C8orf34: variants seen among roughly 807,000 people sequenced by gnomAD.
C8orf34 encodes chromosome 8 open reading frame 34, also known as uncharacterized protein C8orf34.
C8orf34 carries 65 observed loss-of-function variants against 68.3 expected under a neutral mutation model. That is an observed-to-expected ratio of 0.95 (90% CI 0.78 to 1.17). C8orf34 has a LOEUF of 1.17. C8orf34 is among the 50% of genes most tolerant of loss of function. The pLI, the probability that C8orf34 is intolerant of heterozygous loss-of-function variation, is 0.00. For synonymous variants in C8orf34, 244 were observed against 241.2 expected, an observed-to-expected ratio of 1.01 and a Z score of -0.11; for missense variants, 664 against 655.4, an observed-to-expected ratio of 1.01 and a Z score of -0.14.
chr8:68,811,467 G>A (rs1008269313), intron 12 of C8orf34, among the ~76,000 whole-genome samples: 1 of 152,172 alleles, frequency 6.6e-6, no homozygotes, highest in Non-Finnish European at 1.5e-5. Context: ...GACGCAGGCA[G>A]CTTCCACCTT....
chr8:68,771,237 A>G (rs186696561), intron 10 of C8orf34, among the ~76,000 whole-genome samples: 1 of 152,266 alleles, frequency 6.6e-6, no homozygotes, highest in Non-Finnish European at 1.5e-5. Context: ...TTTTTCATTA[A>G]TTGGGGATAA....
chr8:68,348,917 C>T (rs948430185), intron 1 of C8orf34, among the ~76,000 whole-genome samples: 1 of 151,780 alleles, frequency 6.6e-6, no homozygotes, highest in African/African-American at 2.4e-5. Context: ...TGCAAAGAGA[C>T]AGAGTGTGAC....
chr8:68,545,834 A>G (rs925007739), intron 7 of C8orf34, among the ~76,000 whole-genome samples: 1 of 152,158 alleles, frequency 6.6e-6, no homozygotes, highest in African/African-American at 2.4e-5. Flanking sequence ...CTTACTTTTC[A>G]TTAATTTTCA....
rs574743259 is a variant in C8orf34, at chr8:68,598,698, A to G, written c.1106-41678A>G. Among the ~76,000 whole-genome samples the G allele has an allele frequency of 6.3e-4, 96 of 152,306 alleles. 1 individual carries two copies. The highest frequency in any genetic ancestry group is 2.2e-3 in the African/African-American group (91 of 41,570). ...CTTTTCAGACATGAGAAGAGATTCTAATAGTAATTAGGTGAAGAGTGAAGG... is the reference window on the plus strand; with the variant it reads ...CTTTTCAGACATGAGAAGAGATTCTGATAGTAATTAGGTGAAGAGTGAAGG... On this transcript the variant is annotated intron_variant, in intron 7 of 13. Coordinates refer to ENST00000518698, the MANE Select transcript of C8orf34 (RefSeq NM_052958.4).
At chr8:68,794,110 G>A (rs1413799460) in intron 12 of C8orf34, among the ~76,000 whole-genome samples, 1 of 151,866 alleles carries the variant, frequency 6.6e-6, no homozygotes, top group Non-Finnish European at 1.5e-5. Flanking sequence ...TGAAATTATT[G>A]GAACCAGAAG....
rs148839639 is a variant in C8orf34, at chr8:68,454,384, G to A, written c.607+7924G>A. On this transcript the variant is annotated intron_variant, in intron 3 of 13. Transcript: ENST00000518698. ...CTGGGTTGAATTTACCAGGGAAGCCGCTTTATCCTGGCCTTGTCCTTGTTG... is the reference window on the plus strand; with the variant it reads ...CTGGGTTGAATTTACCAGGGAAGCCACTTTATCCTGGCCTTGTCCTTGTTG... 2.2e-3 allele frequency among the ~76,000 whole-genome samples: 332 copies of A among 152,054 alleles called. 1 individual carries two copies. The highest frequency in any genetic ancestry group is 7.1e-3 in the African/African-American group (296 of 41,512).
intron 3 of C8orf34, among the ~76,000 whole-genome samples, chr8:68,459,102 T>C (rs1811673425): frequency 6.6e-6 from 1 of 152,222 alleles, no homozygotes; most frequent in Non-Finnish European, 1.5e-5. Flanking sequence ...GACCTTAAAC[T>C]GTACCTATTC....
At chr8:68,628,481 T>C (rs1206058699) in intron 7 of C8orf34, among the ~76,000 whole-genome samples, 1 of 152,178 alleles carries the variant, frequency 6.6e-6, no homozygotes, top group East Asian at 1.9e-4. Flanking sequence ...ACAAAAATGT[T>C]TTCATACACG....
intron 8 of C8orf34, among the ~76,000 whole-genome samples, chr8:68,644,210 G>A (rs886877160): frequency 6.6e-6 from 1 of 152,164 alleles, no homozygotes. Context: ...GTGAGATTTA[G>A]GAGCTTATAT....
At chr8:68,453,414 T>A (rs1436059780) in intron 3 of C8orf34, among the ~76,000 whole-genome samples, 1 of 152,056 alleles carries the variant, frequency 6.6e-6, no homozygotes, top group East Asian at 1.9e-4. Context: ...GAGCATGTAA[T>A]GTCTTCATTT....
chr8:68,392,199 C>T (rs767060723), intron 1 of C8orf34, among the ~76,000 whole-genome samples: 47 of 151,346 alleles, frequency 3.1e-4, no homozygotes, highest in Non-Finnish European at 1.8e-4. Context: ...TCATTTAGGC[C>T]TTTAATAAAT....
chr8:68,587,925 T>C (rs1238771058), intron 7 of C8orf34, among the ~76,000 whole-genome samples: 1 of 152,144 alleles, frequency 6.6e-6, no homozygotes, highest in Admixed American at 6.6e-5. Context: ...AAGCATAAAG[T>C]GTATGTACAG....
intron 8 of C8orf34, among the ~76,000 whole-genome samples, chr8:68,654,701 G>T (rs987670056): frequency 4.1e-4 from 62 of 151,896 alleles, no homozygotes; most frequent in Non-Finnish European, 5.9e-5. Flanking sequence ...CTTCCATGGG[G>T]ATATAAAAAG....
At chr8:68,666,530 A>G (rs1819847375) in intron 8 of C8orf34, among the ~76,000 whole-genome samples, 1 of 152,220 alleles carries the variant, frequency 6.6e-6, no homozygotes, top group African/African-American at 2.4e-5. Flanking sequence ...ATGTGTATAC[A>G]AAAAACAAAC....
chr8:68,360,866 C>A (rs1382881726), intron 1 of C8orf34, among the ~76,000 whole-genome samples: 1 of 150,798 alleles, frequency 6.6e-6, no homozygotes, highest in Non-Finnish European at 1.5e-5. Context: ...GATTCTCATG[C>A]CTTAGCCTCC....
intron 10 of C8orf34, among the ~76,000 whole-genome samples, chr8:68,764,678 GAC>G (rs1487505394): frequency 6.6e-6 from 1 of 152,162 alleles, no homozygotes; most frequent in African/African-American, 2.4e-5. Flanking sequence ...GAGACAAAGA[GAC>G]AGAAGAGACA....
At chr8:68,392,064 A>C (rs375258741) in intron 1 of C8orf34, among the ~76,000 whole-genome samples, 8 of 152,298 alleles carry the variant, frequency 5.3e-5, no homozygotes, top group Admixed American at 3.3e-4. Context: ...CTTTATGAGA[A>C]TATAAATTCT....
chr8:68,403,130 T>C (rs1809030783), intron 1 of C8orf34, among the ~76,000 whole-genome samples: 1 of 152,204 alleles, frequency 6.6e-6, no homozygotes, highest in South Asian at 2.1e-4. Context: ...AGGAGCTTTA[T>C]GATGTTAAGT....
chr8:68,467,877 C>G (rs1220426299), intron 3 of C8orf34, among the ~76,000 whole-genome samples: 1 of 151,870 alleles, frequency 6.6e-6, no homozygotes, highest in East Asian at 1.9e-4. Flanking sequence ...ATTTTTGCCC[C>G]TGAAAAGTTT....
Sources: gnomAD v4.1 joint callset for allele counts (sites outside exome capture counted in the v4.1 genomes callset) on GRCh38, gnomAD v4.1.1 for gene constraint, MANE v1.5 for transcripts, NCBI Gene and HGNC (gene_info 2026-07-23, HGNC 2026-07-21) for gene names.